PIP5K1A: variants seen among roughly 807,000 people sequenced by gnomAD.
PIP5K1A encodes phosphatidylinositol-4-phosphate 5-kinase type 1 alpha.
Under a neutral mutation model 72.9 loss-of-function variants are expected in PIP5K1A, and 46 were observed. That is an observed-to-expected ratio of 0.63 (90% CI 0.50 to 0.81). The LOEUF is 0.81. Among genes scored for constraint, PIP5K1A ranks in the 30% least tolerant of loss-of-function variants. The pLI, the probability that PIP5K1A is intolerant of heterozygous loss-of-function variation, is 0.00. For missense variants in PIP5K1A, 458 were observed against 706.1 expected (o/e 0.65, Z 3.98); for synonymous variants, 228 against 255.1 (o/e 0.89, Z 1.01).
chr1:151,202,463 G>A (rs779924321), intron 1 of PIP5K1A, among the ~76,000 whole-genome samples: 3 of 152,038 alleles, frequency 2.0e-5, no homozygotes, highest in Non-Finnish European at 4.4e-5. Flanking sequence ...TCTTCCAATC[G>A]CAAATAAAAT....
intron 4 of PIP5K1A, among the ~76,000 whole-genome samples, chr1:151,229,453 G>A (rs1224007956): frequency 6.7e-6 from 1 of 149,730 alleles, no homozygotes; most frequent in East Asian, 2.0e-4. Flanking sequence ...CCTCTGCCTT[G>A]CGGGTTCAAG....
At chr1:151,231,110 G>A (rs1689985124) in intron 4 of PIP5K1A, among the ~76,000 whole-genome samples, 1 of 151,584 alleles carries the variant, frequency 6.6e-6, no homozygotes. Context: ...GGGAGGCTGA[G>A]GCATGAGAAT....
intron 11 of PIP5K1A, 84 bp downstream of exon 11, chr1:151,239,262 C>G: frequency 1.3e-6 from 1 of 775,710 alleles, no homozygotes; most frequent in Admixed American, 2.6e-5. Flanking sequence ...GCAATTTTTT[C>G]TTTTTTCTTT....
chr1:151,235,677 A>G (rs1238047160), intron 8 of PIP5K1A, among the ~76,000 whole-genome samples: 1 of 152,258 alleles, frequency 6.6e-6, no homozygotes, highest in Non-Finnish European at 1.5e-5. Context: ...GAATCTTCAC[A>G]GCACAAATAT....
rs761412781 is a variant in PIP5K1A at position 151,232,211 on chromosome 1, A to AATTCT, written c.369-37_369-36insATTCT. 8 of 1,339,248 alleles carry AATTCT rather than the reference A, an allele frequency of 6.0e-6. No individual in the cohort carries two copies. In the African/African-American group the frequency reaches 1.0e-4, roughly 17 times the overall value. The allele number at this position is 1,339,248 out of a possible 1,614,324, so 83.0% of individuals were successfully genotyped here. A position where few individuals can be genotyped will look rare whatever the true frequency, so the allele number is the denominator to read the frequency against. ...AAGGTAGATTCTCTGGATGATAGGG[A>AATTCT]CTGGCAAGTTATGGCTACCTCTGTT... On this transcript the variant is annotated intron_variant, in intron 5 of 15. Coordinates refer to ENST00000368888, the MANE Select transcript of PIP5K1A (RefSeq NM_001135638.2).
upstream of PIP5K1A, among the ~76,000 whole-genome samples, chr1:151,195,493 AC>A (rs1261381558): frequency 6.6e-6 from 1 of 152,074 alleles, no homozygotes; most frequent in Non-Finnish European, 1.5e-5. Flanking sequence ...CTCAGAGGAC[AC>A]CCCAGGTACT....
chr1:151,196,073 A>G (rs1031993536), upstream of PIP5K1A, among the ~76,000 whole-genome samples: 1 of 150,890 alleles, frequency 6.6e-6, no homozygotes, highest in East Asian at 2.0e-4. Flanking sequence ...AATTTTTTGT[A>G]TTTTTAGTAA....
chr1:151,210,337 G>A (rs1223360544), intron 1 of PIP5K1A, among the ~76,000 whole-genome samples: 1 of 151,318 alleles, frequency 6.6e-6, no homozygotes, highest in Non-Finnish European at 1.5e-5. Flanking sequence ...TACAGGCATG[G>A]GCCACCACAC....
Position 151,248,266 on chromosome 1 carries a change from C to T in PIP5K1A, c.*401C>T, listed in dbSNP as rs1692778079. The T allele has an allele frequency of 1.3e-5, 3 of 230,662 alleles. No homozygotes were observed. The South Asian group carries it at 2.0e-4, about 15-fold the overall frequency. 14.3% of individuals were successfully genotyped at this position (230,662 alleles called of 1,614,324 possible). The stretch of plus-strand genomic sequence containing the variant: ...AACCGGACTCTTAATTTCCTCAGGA[C>T]AGACTAGCTGGCACATTATCCCTAC... On this transcript the variant is annotated 3_prime_UTR_variant, in exon 16 of 16. Coordinates refer to ENST00000368888, the MANE Select transcript of PIP5K1A (RefSeq NM_001135638.2).
At position 151,234,540 on chromosome 1, in the gene PIP5K1A, A is replaced by C. The variant is rs148463770; in HGVS notation, c.939+44A>C. ...CATCAAAAATCTCAGTTACTAAAAC[A>C]GCTTGATTGTTCTTAGGCATTAAGT... On this transcript the variant is annotated intron_variant, in intron 8 of 15. Coordinates refer to ENST00000368888, the MANE Select transcript of PIP5K1A (RefSeq NM_001135638.2). 26 of 1,495,094 alleles carry C rather than the reference A, an allele frequency of 1.7e-5. No homozygotes were observed. The South Asian group carries it at 2.9e-4, about 17-fold the overall frequency. The allele number at this position is 1,495,094 out of a possible 1,614,324, so 92.6% of individuals were successfully genotyped here.
intron 9 of PIP5K1A, 142 bp from the exon 10 acceptor site, chr1:151,238,040 C>G: frequency 1.7e-6 from 1 of 594,464 alleles, no homozygotes. Context: ...ATTTTTTTCT[C>G]TTTTTGTTTT....
chr1:151,198,230 C>A, upstream of PIP5K1A: 2 of 392,842 alleles, frequency 5.1e-6, no homozygotes, highest in South Asian at 1.9e-5. Context: ...GACACCTTAA[C>A]GTCTCTGACT....
At chr1:151,218,358 C>CT (rs1454886706) in intron 1 of PIP5K1A, among the ~76,000 whole-genome samples, 2 of 152,124 alleles carry the variant, frequency 1.3e-5, no homozygotes, top group Admixed American at 1.3e-4. Flanking sequence ...CAACTGTACT[C>CT]TTAATCCTAT....
intron 1 of PIP5K1A, among the ~76,000 whole-genome samples, chr1:151,217,420 T>C (rs1220838805): frequency 6.6e-6 from 1 of 152,190 alleles, no homozygotes; most frequent in Non-Finnish European, 1.5e-5. Flanking sequence ...TGTTTGTTAC[T>C]GTCTGAACCA....
At chr1:151,227,461 T>C (rs1182756136) in intron 4 of PIP5K1A, 61 bp downstream of exon 4, 5 of 1,078,092 alleles carry the variant, frequency 4.6e-6, no homozygotes, top group Non-Finnish European at 7.1e-6. Context: ...CTCTGGGAAC[T>C]CAGTCTCCTT....
At chr1:151,207,864 CT>C (rs1380085785) in intron 1 of PIP5K1A, among the ~76,000 whole-genome samples, 1 of 69,614 alleles carries the variant, frequency 1.4e-5, no homozygotes, top group African/African-American at 5.6e-5. Flanking sequence ...TATGTTGCTC[CT>C]TCTTTTTTTT....
rs190067799 is a variant in PIP5K1A, at chr1:151,239,522, C to G, written c.1278+344C>G. ...CCTGACCTCAAAGTGATCCGCCTAC[C>G]TTGGCCTCCCAAAGTGCTGAGTTGA... On this transcript the variant is annotated intron_variant, in intron 11 of 15. Coordinates refer to ENST00000368888, the MANE Select transcript of PIP5K1A (RefSeq NM_001135638.2). Among the ~76,000 whole-genome samples, 686 of 151,562 alleles carry G rather than the reference C, an allele frequency of 4.5e-3. 6 individuals carry two copies. Among genetic ancestry groups the G allele is most frequent in the African/African-American group, 0.016 (651 of 41,276 alleles).
At chr1:151,216,162 C>A (rs979840270) in intron 1 of PIP5K1A, among the ~76,000 whole-genome samples, 1 of 151,986 alleles carries the variant, frequency 6.6e-6, no homozygotes, top group African/African-American at 2.4e-5. Context: ...TCCTGGCTAA[C>A]ACAGTGAAAC....
At chr1:151,209,359 C>T (rs1414372370) in intron 1 of PIP5K1A, among the ~76,000 whole-genome samples, 2 of 151,120 alleles carry the variant, frequency 1.3e-5, no homozygotes, top group African/African-American at 4.9e-5. Context: ...CTGCAACCTC[C>T]GCCTCCTGGG....
Sources: gnomAD v4.1 joint callset for allele counts (sites outside exome capture counted in the v4.1 genomes callset) on GRCh38, gnomAD v4.1.1 for gene constraint, MANE v1.5 for transcripts, NCBI Gene and HGNC (gene_info 2026-07-23, HGNC 2026-07-21) for gene names.